IL2RG: variants seen among roughly 807,000 people sequenced by gnomAD.
The protein encoded by IL2RG is interleukin 2 receptor subunit gamma.
For missense variants in IL2RG, 205 were observed against 272.9 expected, an observed-to-expected ratio of 0.75 and a Z score of 1.75; for synonymous variants, 111 against 108.5, an observed-to-expected ratio of 1.02 and a Z score of -0.15.
At position 71,111,518 on chromosome X, in the gene IL2RG, A is replaced by G; in HGVS notation, c.22T>C (p.Phe8Leu). Residue 8 changes from phenylalanine (F) to leucine (L), a missense_variant, in exon 1 of 8, where the codon TTC (phenylalanine) becomes CTC (leucine). Coordinates refer to ENST00000374202, the MANE Select transcript of IL2RG (RefSeq NM_000206.3). MLKPSLP[F>L]TSLLFLQLPL... ...AGCTGCAGGAATAAGAGGGATGTGA[A>G]TGGTAATGATGGCTTCAACATGGCG... 2.5e-6 allele frequency: 3 copies of G among 1,211,345 alleles called. No homozygotes were observed. The highest frequency in any genetic ancestry group is 2.2e-6 in the Non-Finnish European group (2 of 895,296).
rs7880291 is a variant in IL2RG at position 71,111,238 on chromosome X, G to C, written c.115+187C>G. The C allele has an allele frequency of 2.9e-5, 21 of 712,445 alleles. No homozygotes were observed. The highest frequency in any genetic ancestry group is 1.3e-4 in the South Asian group (5 of 38,521). 58.7% of individuals were successfully genotyped at this position (712,445 alleles called of 1,213,427 possible). ...GAGACCCTGCCTCAAAAGAAAGAAAGAAACAAACAAACAAGAAAGAAAGAA... is the reference window on the plus strand; with the variant it reads ...GAGACCCTGCCTCAAAAGAAAGAAACAAACAAACAAACAAGAAAGAAAGAA... On this transcript the variant is annotated intron_variant, in intron 1 of 7. Transcript: ENST00000374202.
chrX:71,110,233 T>C lies in IL2RG; in HGVS notation c.517A>G (p.Asn173Asp). The C allele has an allele frequency of 8.3e-7, 1 of 1,210,061 alleles. No homozygotes were observed. Among genetic ancestry groups the C allele is most frequent in the Non-Finnish European group, 1.1e-6 (1 of 893,975 alleles). ...HKLSESQLEL[N>D]WNNRFLNHCL... is the part of the protein sequence containing the mutation. ...TGGTTCAAGAATCTGTTGTTCCAGTTCAGTTCTAGCTGGGATTCACTCAGT... is the reference window on the plus strand; with the variant it reads ...TGGTTCAAGAATCTGTTGTTCCAGTCCAGTTCTAGCTGGGATTCACTCAGT... Residue 173 changes from asparagine (N) to aspartate (D), a missense_variant, in exon 4 of 8, where the codon AAC becomes GAC. By Grantham distance (23) the Asn-to-Asp change is conservative (BLOSUM62 1). Coordinates refer to ENST00000374202, the MANE Select transcript of IL2RG (RefSeq NM_000206.3).
intron 5 of IL2RG, 78 bp from the exon 6 acceptor site, chrX:71,108,773 C>T (rs925245976): frequency 1.3e-5 from 8 of 632,196 alleles, no homozygotes; most frequent in East Asian, 7.1e-5. Context: ...TGCCAGGCAC[C>T]GCGCTAAAGA....
At position 71,107,763 on chromosome X, in the gene IL2RG, T is replaced by C. The variant is rs1030739799; in HGVS notation, c.1083A>G (p.Pro361=). 1 of 1,150,697 alleles carries C rather than the reference T, an allele frequency of 8.7e-7. No individual in the cohort carries two copies. The highest frequency in any genetic ancestry group is 1.2e-6 in the Non-Finnish European group (1 of 866,311). 94.8% of individuals were successfully genotyped at this position (1,150,697 alleles called of 1,213,427 possible). A position where few individuals can be genotyped will look rare whatever the true frequency, so the allele number is the denominator to read the frequency against. The stretch of plus-strand genomic sequence containing the variant: ...AGGTTTCAGGCTTTAGGGTGTAACA[T>C]GGGGGGGCCCAGTAGGGGCTATGCT... ...CNQHSPYWAP[P]CYTLKPET is the part of the protein sequence containing the mutation. The change falls in exon 8 of 8, where the codon CCA becomes CCG. Residue 361 remains proline, a synonymous_variant. Coordinates refer to ENST00000374202, the MANE Select transcript of IL2RG (RefSeq NM_000206.3).
At chrX:71,108,746 T>C (rs371161395) in intron 5 of IL2RG, 51 bp from the exon 6 acceptor site, 2 of 860,842 alleles carry the variant, frequency 2.3e-6, no homozygotes, top group Non-Finnish European at 3.4e-6. Flanking sequence ...GTGCCCCTAC[T>C]ACATGCCAGG....
At chrX:71,110,724 G>C in intron 2 of IL2RG, 36 bp from the exon 3 acceptor site, 1 of 1,129,664 alleles carries the variant, frequency 8.9e-7, no homozygotes, top group Non-Finnish European at 1.2e-6. Context: ...AGGAACAGTG[G>C]GGCCAATCTG....
rs2092254002 is a variant in IL2RG at position 71,107,891 on chromosome X, C to T, written c.955G>A (p.Glu319Lys). 8.3e-7 allele frequency: 1 copy of T among 1,207,653 alleles called. No individual in the cohort carries two copies. The highest frequency in any genetic ancestry group is 2.2e-5 in the Admixed American group (1 of 45,648). The change falls in exon 8 of 8, where the codon GAG (glutamate) becomes AAG (lysine). Residue 319 changes from glutamate to lysine, a missense_variant. Transcript: ENST00000374202. The part of the protein sequence containing the change: ...AWSGVSKGLA[E>K]SLQPDYSERL... ...TCACTGTAGTCTGGCTGCAGACTCT[C>T]AGCCAGTCCCTTAGACACACCACTC...
At position 71,107,624 on chromosome X, in the gene IL2RG, A is replaced by G; in HGVS notation, c.*112T>C. On this transcript the variant is annotated 3_prime_UTR_variant, in exon 8 of 8. Coordinates refer to ENST00000374202, the MANE Select transcript of IL2RG (RefSeq NM_000206.3). ...CTTACATGGGGGCACAAAATTCCAA[A>G]TCAGCCACAGTGGGGTGAGGTGAGT... 2.0e-6 allele frequency: 1 copy of G among 509,728 alleles called. No individual in the cohort carries two copies. The allele number at this position is 509,728 out of a possible 1,213,427, so 42.0% of individuals were successfully genotyped here. A position where few individuals can be genotyped will look rare whatever the true frequency, so the allele number is the denominator to read the frequency against.
rs760755004 is a variant in IL2RG at position 71,110,182 on chromosome X, G to A, written c.568C>T (p.Arg190Trp). Residue 190 changes from arginine (R) to tryptophan (W), a missense_variant, in exon 4 of 8, where the codon CGG becomes TGG. Physicochemically the swap from Arg to Trp is moderately radical, Grantham distance 101 (BLOSUM62 -3). Coordinates refer to ENST00000374202, the MANE Select transcript of IL2RG (RefSeq NM_000206.3). ...NHCLEHLVQY[R>W]TDWDHSWTEQ... ...GTCCAGCTGTGGTCCCAGTCAGTCCGGTACTGCACCAAGTGCTCCAAACAG... is the reference window on the plus strand; with the variant it reads ...GTCCAGCTGTGGTCCCAGTCAGTCCAGTACTGCACCAAGTGCTCCAAACAG... 5.0e-6 allele frequency: 6 copies of A among 1,210,643 alleles called. No homozygotes were observed. The highest frequency in any genetic ancestry group is 3.0e-5 in the East Asian group (1 of 33,846).
At chrX:71,110,857 C>A (rs757793878) in intron 2 of IL2RG, 40 bp downstream of exon 2, 1 of 1,198,593 alleles carries the variant, frequency 8.3e-7, no homozygotes, top group Admixed American at 2.2e-5. Flanking sequence ...TGATCCAACC[C>A]ACCTCTTCTT....
In IL2RG at chrX:71,107,547, T is replaced by C. The variant is rs2092253075; in HGVS notation, c.*189A>G. 3 of 325,585 alleles carry C rather than the reference T, an allele frequency of 9.2e-6. No individual in the cohort carries two copies. Among genetic ancestry groups the C allele is most frequent in the Non-Finnish European group, 1.6e-5 (3 of 182,570 alleles). 26.8% of individuals were successfully genotyped at this position (325,585 alleles called of 1,213,427 possible). ...GCCAGACTGAGGGAGAAGAAAAACA[T>C]GTTCGGGGCAAAAGGGTAATTCTCA... On this transcript the variant is annotated 3_prime_UTR_variant, in exon 8 of 8. Transcript: ENST00000374202.
chrX:71,108,674 A>G lies in IL2RG; in HGVS notation c.779T>C (p.Leu260Ser). 7.6e-6 allele frequency: 9 copies of G among 1,185,190 alleles called. No homozygotes were observed. The highest frequency in any genetic ancestry group is 1.0e-5 in the Non-Finnish European group (9 of 876,440). The part of the protein sequence containing the change: ...TSKENPFLFA[L>S]EAVVISVGSM... ...GCCAACAGAGATAACCACGGCTTCC[A>G]ATGCAAACAGGAAAGGATTCTCTAT... Residue 260 changes from leucine (L) to serine (S), a missense_variant, in exon 6 of 8, where the codon TTG becomes TCG. Physicochemically the swap from Leu to Ser is moderately radical, Grantham distance 145 (BLOSUM62 -2). Transcript: ENST00000374202.
At chrX:71,110,394 C>T (rs2092260941) in intron 3 of IL2RG, 99 bp from the exon 4 acceptor site, 6 of 1,107,261 alleles carry the variant, frequency 5.4e-6, no homozygotes, top group Non-Finnish European at 7.5e-6. Flanking sequence ...CATCATGATC[C>T]CCTACCTCCT....
chrX:71,109,242 C>T lies in IL2RG; in HGVS notation c.743G>A (p.Ser248Asn), dbSNP rs748539696. The change falls in exon 5 of 8, where the codon AGC becomes AAC. Residue 248 changes from serine (S) to asparagine (N), a missense_variant. Transcript: ENST00000374202. The part of the protein sequence containing the change: ...SEWSHPIHWG[S>N]NTSKENPFLF... Reference sequence around the variant, plus strand: ...GCCCATTTTACCTTTTGAAGTATTGCTCCCCCAGTGGATTGGGTGGCTCCA... The same window carrying T: ...GCCCATTTTACCTTTTGAAGTATTGTTCCCCCAGTGGATTGGGTGGCTCCA... 2.5e-6 allele frequency: 3 copies of T among 1,211,086 alleles called. No homozygotes were observed. The highest frequency in any genetic ancestry group is 3.4e-6 in the Non-Finnish European group (3 of 895,199).
chrX:71,110,456 A>C, intron 3 of IL2RG, 48 bp downstream of exon 3: 1 of 1,155,073 alleles, frequency 8.7e-7, no homozygotes, highest in Non-Finnish European at 1.2e-6. Flanking sequence ...TGTAGACTCC[A>C]ATGTCCCACA....
chrX:71,110,880 CT>C lies in IL2RG; in HGVS notation c.269+16del, dbSNP rs754003939. The C allele has an allele frequency of 4.1e-6, 5 of 1,206,357 alleles. No individual in the cohort carries two copies. The highest frequency in any genetic ancestry group is 2.2e-5 in the Admixed American group (1 of 45,580). On this transcript the variant is annotated intron_variant, in intron 2 of 7. Transcript: ENST00000374202. ...CCCACCTCTTCTTCATCCCCTCCCC[CT>C]CGTCCCTTCTCATACCAATAATGCA...
rs2092258246 is a variant in IL2RG at position 71,109,364 on chromosome X, C to T, written c.621G>A (p.Lys207=). 1 of 1,211,077 alleles carries T rather than the reference C, an allele frequency of 8.3e-7. No homozygotes were observed. Among genetic ancestry groups the T allele is most frequent in the Non-Finnish European group, 1.1e-6 (1 of 894,807 alleles). Residue 207 remains lysine (K), a synonymous_variant, in exon 5 of 8, where the codon AAG becomes AAA. Transcript: ENST00000374202. ...WTEQSVDYRH[K]FSLPSVDGQK... Reference sequence around the variant, plus strand: ...GCCCATCCACACTAGGCAAGGAGAACTTATGTCTATAATCCACTGATTGTT... The same window carrying T: ...GCCCATCCACACTAGGCAAGGAGAATTTATGTCTATAATCCACTGATTGTT...
chrX:71,108,572 AT>A, intron 6 of IL2RG, 26 bp downstream of exon 6: 1 of 1,093,447 alleles, frequency 9.1e-7, no homozygotes, highest in Admixed American at 2.3e-5. Context: ...CGTTCCCCTC[AT>A]TTTTCTGGGC....
chrX:71,109,456 C>T, intron 4 of IL2RG, 66 bp from the exon 5 acceptor site: 1 of 1,021,525 alleles, frequency 9.8e-7, no homozygotes, highest in Non-Finnish European at 1.4e-6. Context: ...AAACATACTC[C>T]TGAACACCCA....
Sources: allele counts gnomAD v4.1 joint callset, GRCh38; gene constraint gnomAD v4.1.1; transcripts MANE v1.5; gene names NCBI Gene and HGNC (gene_info 2026-07-23, HGNC 2026-07-21).